The following HERC2 variants were observed in gnomAD, a reference collection of about 807,000 sequenced individuals.
HERC2 encodes E3 ubiquitin-protein ligase HERC2.
In HERC2, 102 loss-of-function variants were observed where a neutral mutation model predicts 537.7. That is an observed-to-expected ratio of 0.19 (90% confidence interval 0.16 to 0.22). The LOEUF (loss-of-function observed/expected upper bound fraction) is 0.22, where lower values mean the gene tolerates loss of function less well. Among genes scored for constraint, HERC2 ranks in the 10% least tolerant of loss-of-function variants. HERC2 has a pLI of 1.00. For missense variants in HERC2, 4,236 were observed against 6,198.2 expected (o/e 0.68, Z 10.63); for synonymous variants, 2,224 against 2,466.2 (o/e 0.90, Z 2.91).
chr15:28,263,158 A>C lies in HERC2; in HGVS notation c.1882T>G (p.Ser628Ala), dbSNP rs756778169. The change falls in exon 15 of 93, where the codon TCT (serine) becomes GCT (alanine). Residue 628 changes from serine (S) to alanine (A), a missense_variant. Physicochemically the swap from Ser to Ala is moderately conservative, Grantham distance 99. This residue lies in a region of HERC2 where 754 missense variants were observed against 1,085.0 expected (regional missense o/e 0.69). Coordinates refer to ENST00000261609, the MANE Select transcript of HERC2 (RefSeq NM_004667.6). ...LAVTENGQVW[S>A]WGDGDYGKLG... ...TTCCCATAGTCACCATCTCCCCAAG[A>C]CCACACTTGCCCTAAAAAATACAAA... 5 of 1,605,530 alleles carry C rather than the reference A, an allele frequency of 3.1e-6. No homozygotes were observed. The highest frequency in any genetic ancestry group is 4.3e-6 in the Non-Finnish European group (5 of 1,172,812).
At chr15:28,232,113 AG>A (rs1383486238) in intron 30 of HERC2, among the ~76,000 whole-genome samples, 3 of 152,206 alleles carry the variant, frequency 2.0e-5, no homozygotes, top group African/African-American at 7.2e-5. Flanking sequence ...GGGTTTGTTC[AG>A]GAACAATCAA....
At chr15:28,248,426 C>T in intron 21 of HERC2, 126 bp downstream of exon 21, 1 of 612,382 alleles carries the variant, frequency 1.6e-6, no homozygotes, top group East Asian at 2.8e-5. Flanking sequence ...AAAATGAAGC[C>T]CCAAAATTGG....
chr15:28,161,613 G>A (rs890530508), intron 69 of HERC2, among the ~76,000 whole-genome samples: 7 of 152,200 alleles, frequency 4.6e-5, no homozygotes, highest in Non-Finnish European at 5.9e-5. Flanking sequence ...TGTGCCTCAA[G>A]TTGAGTGTTT....
chr15:28,300,024 C>T (rs1268241757), intron 2 of HERC2, among the ~76,000 whole-genome samples: 1 of 148,964 alleles, frequency 6.7e-6, no homozygotes, highest in African/African-American at 2.5e-5. Flanking sequence ...CTGCACTCAG[C>T]CTGAGTGACA....
Position 28,299,433 on chromosome 15 carries a change from T to A in HERC2, c.156A>T (p.Ser52=). ...DGEIVYTGTE[S]TQNGELPPRK... is the part of the protein sequence containing the mutation. Reference sequence around the variant, plus strand: ...TAGGAGGGAGCTCTCCGTTCTGGGTTGATTCTGTTCCAGTGTATACAATTT... The same window carrying A: ...TAGGAGGGAGCTCTCCGTTCTGGGTAGATTCTGTTCCAGTGTATACAATTT... The change falls in exon 3 of 93, where the codon TCA becomes TCT. Residue 52 remains serine, a synonymous_variant. Transcript: ENST00000261609. 1 of 1,593,824 alleles carries A rather than the reference T, an allele frequency of 6.3e-7. No homozygotes were observed.
At chr15:28,290,488 C>G (rs2141125273) in intron 4 of HERC2, among the ~76,000 whole-genome samples, 1 of 152,178 alleles carries the variant, frequency 6.6e-6, no homozygotes, top group Non-Finnish European at 1.5e-5. Flanking sequence ...CCTCAGCCTC[C>G]CAAAGTGTTG....
chr15:28,273,137 T>C lies in HERC2; in HGVS notation c.801-133A>G, dbSNP rs2075783888. On this transcript the variant is annotated intron_variant, in intron 7 of 92. Transcript: ENST00000261609. Reference sequence around the variant, plus strand: ...TTTTTAATATTTAGGATCAAGTTTCTGATACTTGCTACTCAAATTTATTCA... The same window carrying C: ...TTTTTAATATTTAGGATCAAGTTTCCGATACTTGCTACTCAAATTTATTCA... 3 of 688,634 alleles carry C rather than the reference T, an allele frequency of 4.4e-6. No individual in the cohort carries two copies. The African/African-American group carries it at 5.3e-5, about 12-fold the overall frequency. The allele number at this position is 688,634 out of a possible 1,614,324, so 42.7% of individuals were successfully genotyped here. A position where few individuals can be genotyped will look rare whatever the true frequency, so the allele number is the denominator to read the frequency against.
intron 92 of HERC2, among the ~76,000 whole-genome samples, chr15:28,112,444 C>A (rs2142028352): frequency 6.6e-6 from 1 of 152,350 alleles, no homozygotes; most frequent in Admixed American, 6.5e-5. Flanking sequence ...TACTGACCTT[C>A]TAAGATAGAA....
chr15:28,182,667 C>T (rs1383396355), intron 56 of HERC2, among the ~76,000 whole-genome samples, 155 bp from the exon 57 acceptor site: 1 of 149,566 alleles, frequency 6.7e-6, no homozygotes, highest in African/African-American at 2.6e-5. Flanking sequence ...AAACCTCAAG[C>T]ATGTACAGGA....
intron 63 of HERC2, 81 bp from the exon 64 acceptor site, chr15:28,175,737 A>G: frequency 7.1e-7 from 1 of 1,409,732 alleles, no homozygotes. Flanking sequence ...ATTGTCTCAC[A>G]TCTTTCACAG....
intron 65 of HERC2, among the ~76,000 whole-genome samples, chr15:28,170,455 G>A (rs1053652984): frequency 5.9e-5 from 9 of 152,174 alleles, no homozygotes; most frequent in African/African-American, 9.7e-5. Flanking sequence ...GCAACTGGAC[G>A]TCTGTGGGCA....
At chr15:28,205,285 C>CTACAGGGAGCACGTGCACCGCCCCACG (rs1555425677) in intron 45 of HERC2, among the ~76,000 whole-genome samples, 1 of 15,464 alleles carries the variant, frequency 6.5e-5, no homozygotes, top group Non-Finnish European at 1.5e-4. Context: ...CCCAGCATGA[C>CTACAGGGAGCACGTGCACCGCCCCACG]TGCTCTCAAG....
intron 78 of HERC2, among the ~76,000 whole-genome samples, chr15:28,141,007 G>A (rs994353615): frequency 6.6e-6 from 1 of 151,528 alleles, no homozygotes; most frequent in African/African-American, 2.4e-5. Context: ...GAAGGCCGAG[G>A]TGGGTGGATC....
At chr15:28,267,940 C>T (rs2140969069) in intron 12 of HERC2, among the ~76,000 whole-genome samples, 1 of 152,348 alleles carries the variant, frequency 6.6e-6, no homozygotes, top group Admixed American at 6.5e-5. Flanking sequence ...CAAGAGGGTT[C>T]CCATCACTCC....
chr15:28,117,548 T>C, intron 86 of HERC2: 1 of 500,236 alleles, frequency 2.0e-6, no homozygotes, highest in South Asian at 1.5e-5. Context: ...CCTCATGAAA[T>C]AAGACACCAG....
intron 69 of HERC2, among the ~76,000 whole-genome samples, chr15:28,156,546 G>A (rs549696223): frequency 6.6e-6 from 1 of 151,708 alleles, no homozygotes; most frequent in African/African-American, 2.4e-5. Flanking sequence ...TCATTATTTT[G>A]CTGTTTGTCT....
chr15:28,203,919 A>G (rs2525924), intron 45 of HERC2: 6 of 151,992 alleles, frequency 3.9e-5, no homozygotes, highest in Non-Finnish European at 8.8e-5. Context: ...TCAACCAACT[A>G]GAGGTGGGGA....
rs986797233 is a variant in HERC2 at position 28,285,064 on chromosome 15, G to A, written c.323-4777C>T. ...CAAACAAACAAAGAAACAATGAATA[G>A]AACTGAAAGGAGAAAAAGACATTTA... On this transcript the variant is annotated intron_variant, in intron 4 of 92. Transcript: ENST00000261609. Among the ~76,000 whole-genome samples, 8 of 149,500 alleles carry A rather than the reference G, an allele frequency of 5.4e-5. No individual in the cohort carries two copies. In the Admixed American group the frequency reaches 5.4e-4, roughly 10 times the overall value.
chr15:28,192,665 AG>A (rs536948943), intron 52 of HERC2, among the ~76,000 whole-genome samples: 236 of 152,324 alleles, frequency 1.5e-3, no homozygotes, highest in African/African-American at 5.4e-3. Flanking sequence ...TCAGAACCGC[AG>A]GAAGACCCGA....
Sources: allele counts gnomAD v4.1 joint callset (sites outside exome capture counted in the v4.1 genomes callset), GRCh38; gene constraint gnomAD v4.1.1; regional missense constraint gnomAD v4.1.1; transcripts MANE v1.5; gene names NCBI Gene and HGNC (gene_info 2026-07-23, HGNC 2026-07-21).